SLC4A4: variants seen among roughly 807,000 people sequenced by gnomAD.
The protein encoded by SLC4A4 is electrogenic sodium bicarbonate cotransporter 1.
Under a neutral mutation model 111.5 loss-of-function variants are expected in SLC4A4, and 27 were observed. The ratio of observed to expected loss-of-function variants is 0.24; its 90% confidence interval spans 0.18 to 0.33. SLC4A4 has a LOEUF of 0.33. Ranked by LOEUF, SLC4A4 falls within the 10% of genes least tolerant of loss-of-function variation. The pLI is 1.00. For missense variants in SLC4A4, 909 were observed against 1,315.5 expected (o/e 0.69, Z 4.78); for synonymous variants, 443 against 463.4 (o/e 0.96, Z 0.57).
chr4:71,090,706 G>A (rs1225221330), intron 1 of SLC4A4, among the ~76,000 whole-genome samples: 15 of 152,152 alleles, frequency 9.9e-5, no homozygotes, highest in Non-Finnish European at 7.4e-5. Context: ...TTCTTTGCTG[G>A]GAAAAATGCT....
chr4:71,486,121 C>T (rs553298023), intron 14 of SLC4A4, among the ~76,000 whole-genome samples: 1 of 151,422 alleles, frequency 6.6e-6, no homozygotes, highest in South Asian at 2.1e-4. Context: ...TAATTAAAAA[C>T]CCTGATGTGT....
intron 13 of SLC4A4, among the ~76,000 whole-genome samples, chr4:71,472,101 C>T (rs1577984764): frequency 6.6e-6 from 1 of 151,888 alleles, no homozygotes; most frequent in African/African-American, 2.4e-5. Flanking sequence ...CTCTTCCTGG[C>T]CTTGCTCTCT....
intron 3 of SLC4A4, among the ~76,000 whole-genome samples, chr4:71,260,861 C>T (rs1436216400): frequency 6.6e-6 from 1 of 152,134 alleles, no homozygotes; most frequent in Non-Finnish European, 1.5e-5. Context: ...ATGAAGTGAG[C>T]ACTGCATGTA....
At chr4:71,085,223 A>T (rs1364714258) in intron 1 of SLC4A4, among the ~76,000 whole-genome samples, 1 of 152,010 alleles carries the variant, frequency 6.6e-6, no homozygotes, top group Non-Finnish European at 1.5e-5. Context: ...GTGTCTGTTC[A>T]TATCCTTCGC....
chr4:71,253,297 C>T (rs776471885), intron 2 of SLC4A4, among the ~76,000 whole-genome samples: 4 of 152,068 alleles, frequency 2.6e-5, no homozygotes, highest in South Asian at 2.1e-4. Flanking sequence ...GCATCTTATC[C>T]ACCCATATAG....
intron 7 of SLC4A4, among the ~76,000 whole-genome samples, chr4:71,407,886 T>C (rs1227205468): frequency 2.0e-5 from 3 of 152,142 alleles, no homozygotes; most frequent in Non-Finnish European, 2.9e-5. Context: ...ACACACTTAA[T>C]TTACAGATCT....
intron 1 of SLC4A4, among the ~76,000 whole-genome samples, chr4:71,080,877 T>C (rs1741976892): frequency 6.6e-6 from 1 of 152,072 alleles, no homozygotes; most frequent in Non-Finnish European, 1.5e-5. Context: ...GCTCAGGTAT[T>C]CCTGTTTATG....
At chr4:71,501,659 T>TTTTG (rs972983238) in intron 16 of SLC4A4, among the ~76,000 whole-genome samples, 1 of 151,458 alleles carries the variant, frequency 6.6e-6, no homozygotes, top group African/African-American at 2.4e-5. Flanking sequence ...AGTTAATATT[T>TTTTG]TTTGTTTGTT....
chr4:71,510,066 A>T (rs1243530771), intron 16 of SLC4A4, among the ~76,000 whole-genome samples: 1 of 151,878 alleles, frequency 6.6e-6, no homozygotes, highest in Non-Finnish European at 1.5e-5. Context: ...AGCTGTGTAA[A>T]CTCCTAGAAA....
intron 3 of SLC4A4, among the ~76,000 whole-genome samples, chr4:71,261,146 A>G (rs1052674913): frequency 1.3e-5 from 2 of 152,162 alleles, no homozygotes; most frequent in South Asian, 2.1e-4. Flanking sequence ...TCAGTCTCTT[A>G]TCTTGCCAGT....
At chr4:71,225,168 A>G (rs965235045) in intron 1 of SLC4A4, among the ~76,000 whole-genome samples, 8 of 152,156 alleles carry the variant, frequency 5.3e-5, no homozygotes, top group African/African-American at 1.7e-4. Flanking sequence ...CCTGGCCAAC[A>G]TGGTGAAACC....
chr4:71,446,868 T>C (rs1725280646), intron 8 of SLC4A4, among the ~76,000 whole-genome samples: 1 of 152,258 alleles, frequency 6.6e-6, no homozygotes, highest in South Asian at 2.1e-4. Flanking sequence ...AGTGCCAACA[T>C]GCCACAGGGC....
At chr4:71,204,746 A>G (rs769305785) in intron 1 of SLC4A4, among the ~76,000 whole-genome samples, 1 of 152,204 alleles carries the variant, frequency 6.6e-6, no homozygotes, top group Admixed American at 6.5e-5. Flanking sequence ...ATTTTAAACA[A>G]TAGTTTTTCT....
At chr4:71,360,401 T>C (rs771753045) in intron 6 of SLC4A4, among the ~76,000 whole-genome samples, 1 of 152,162 alleles carries the variant, frequency 6.6e-6, no homozygotes, top group Non-Finnish European at 1.5e-5. Context: ...ATGCTAATAA[T>C]GTAGATTACA....
chr4:71,418,581 G>A (rs1194482802), intron 7 of SLC4A4, among the ~76,000 whole-genome samples: 1 of 152,190 alleles, frequency 6.6e-6, no homozygotes, highest in Non-Finnish European at 1.5e-5. Flanking sequence ...CCAACGGTAT[G>A]TAAATTTAGT....
At chr4:71,070,191 A>C (rs1466345853) in intron 1 of SLC4A4, among the ~76,000 whole-genome samples, 1 of 152,136 alleles carries the variant, frequency 6.6e-6, no homozygotes, top group Non-Finnish European at 1.5e-5. Flanking sequence ...AACACAGTGG[A>C]CTCCTGTGTA....
chr4:71,554,314 A>G (rs890772024), intron 20 of SLC4A4, among the ~76,000 whole-genome samples: 1 of 151,852 alleles, frequency 6.6e-6, no homozygotes, highest in Non-Finnish European at 1.5e-5. Context: ...TTCAAATTCT[A>G]AGGTTGAGAA....
intron 3 of SLC4A4, among the ~76,000 whole-genome samples, chr4:71,330,006 G>T (rs1221338203): frequency 6.6e-6 from 1 of 152,022 alleles, no homozygotes; most frequent in East Asian, 1.9e-4. Context: ...ATTTTAGAGG[G>T]TTTTTATCAT....
intron 6 of SLC4A4, among the ~76,000 whole-genome samples, chr4:71,389,727 C>A (rs547950981): frequency 6.6e-6 from 1 of 152,302 alleles, no homozygotes; most frequent in South Asian, 2.1e-4. Flanking sequence ...ATAGTAGTAA[C>A]TCCAAATGGA....
Sources: allele counts gnomAD v4.1 joint callset (sites outside exome capture counted in the v4.1 genomes callset), GRCh38; gene constraint gnomAD v4.1.1; transcripts MANE v1.5; gene names NCBI Gene and HGNC (gene_info 2026-07-23, HGNC 2026-07-21).